CCDC192: variants seen among roughly 807,000 people sequenced by gnomAD.
The protein encoded by CCDC192 is coiled-coil domain containing 192.
intron 5 of CCDC192, among the ~76,000 whole-genome samples, chr5:127,818,327 T>C (rs1421745): frequency 0.02 from 3,076 of 152,294 alleles, 111 homozygotes; most frequent in African/African-American, 0.071. Flanking sequence ...CTTTGTCATC[T>C]AATGCAGAGG....
At chr5:127,781,492 G>T (rs1756216989) in intron 3 of CCDC192, among the ~76,000 whole-genome samples, 1 of 150,962 alleles carries the variant, frequency 6.6e-6, no homozygotes, top group Admixed American at 6.6e-5. Context: ...TTTTTGTGTT[G>T]TCTATGATTT....
At chr5:127,827,942 T>C (rs1360955689) in intron 5 of CCDC192, among the ~76,000 whole-genome samples, 1 of 152,190 alleles carries the variant, frequency 6.6e-6, no homozygotes, top group African/African-American at 2.4e-5. Context: ...GGCTCACTCT[T>C]GTTGCCCAGA....
chr5:127,769,901 A>T (rs955958274), intron 3 of CCDC192, among the ~76,000 whole-genome samples: 1 of 152,066 alleles, frequency 6.6e-6, no homozygotes, highest in Admixed American at 6.5e-5. Flanking sequence ...GTTACTGGAA[A>T]TTTTTTTCCA....
At chr5:127,814,484 G>C (rs10057750) in intron 5 of CCDC192, among the ~76,000 whole-genome samples, 66,032 of 151,946 alleles carry the variant, frequency 0.43, 15,836 homozygotes, top group African/African-American at 0.64. Flanking sequence ...GAGTTAAAGT[G>C]ATTGTTGTGG....
intron 2 of CCDC192, among the ~76,000 whole-genome samples, chr5:127,724,847 CA>C (rs71223028): frequency 1.1e-3 from 137 of 120,916 alleles, no homozygotes; most frequent in African/African-American, 2.9e-3. Context: ...GACTCCGTCT[CA>C]AAAAAAAAAA....
At chr5:127,733,632 G>C (rs1025099904) in intron 2 of CCDC192, among the ~76,000 whole-genome samples, 1 of 152,056 alleles carries the variant, frequency 6.6e-6, no homozygotes, top group Non-Finnish European at 1.5e-5. Flanking sequence ...ATCAACCTTG[G>C]AGGCTACACG....
intron 2 of CCDC192, among the ~76,000 whole-genome samples, chr5:127,743,142 G>A (rs182874191): frequency 9.2e-5 from 14 of 152,102 alleles, no homozygotes; most frequent in Admixed American, 4.6e-4. Flanking sequence ...TATTTACTCC[G>A]CTGGTTCATT....
chr5:127,853,832 C>A (rs562711418), intron 5 of CCDC192, among the ~76,000 whole-genome samples: 2 of 152,092 alleles, frequency 1.3e-5, no homozygotes, highest in East Asian at 3.9e-4. Context: ...AGTGAGAATT[C>A]TCCCTCTCAA....
intron 6 of CCDC192, among the ~76,000 whole-genome samples, chr5:127,880,645 A>C (rs189411765): frequency 1.3e-5 from 2 of 152,068 alleles, no homozygotes; most frequent in Admixed American, 6.5e-5. Context: ...TAAAAAAAAA[A>C]CAAAACATCT....
chr5:127,781,716 A>G (rs182928837), intron 3 of CCDC192, among the ~76,000 whole-genome samples: 23 of 151,788 alleles, frequency 1.5e-4, no homozygotes, highest in African/African-American at 5.3e-4. Context: ...GAATGCTTTT[A>G]TCAATTGTAG....
chr5:127,757,798 A>ACACACT (rs1491447075), intron 3 of CCDC192, among the ~76,000 whole-genome samples: 2 of 117,242 alleles, frequency 1.7e-5, no homozygotes, highest in African/African-American at 7.3e-5. Flanking sequence ...ACACACACAC[A>ACACACT]CTCTCTCTCT....
At chr5:127,891,628 A>G (rs772987386) in intron 6 of CCDC192, among the ~76,000 whole-genome samples, 6 of 152,120 alleles carry the variant, frequency 3.9e-5, no homozygotes, top group African/African-American at 9.7e-5. Context: ...GCTCATTACT[A>G]TCTGCATAGG....
At chr5:127,741,227 A>G (rs890762276) in intron 2 of CCDC192, among the ~76,000 whole-genome samples, 3 of 151,830 alleles carry the variant, frequency 2.0e-5, no homozygotes, top group Non-Finnish European at 2.9e-5. Context: ...CCACCTGCTA[A>G]TTATTTTTAT....
At chr5:127,715,309 A>G (rs1258217802) in intron 2 of CCDC192, among the ~76,000 whole-genome samples, 6 of 152,222 alleles carry the variant, frequency 3.9e-5, no homozygotes, top group Non-Finnish European at 5.9e-5. Flanking sequence ...AAGTTGGAAG[A>G]GATAGGAGAC....
At chr5:127,767,558 CT>C (rs1755299098) in intron 3 of CCDC192, among the ~76,000 whole-genome samples, 1 of 152,062 alleles carries the variant, frequency 6.6e-6, no homozygotes, top group East Asian at 1.9e-4. Context: ...TGACCTTTAC[CT>C]TTAATGATTG....
chr5:127,934,952 T>A (rs1754147684), intron 6 of CCDC192, among the ~76,000 whole-genome samples: 1 of 152,232 alleles, frequency 6.6e-6, no homozygotes, highest in East Asian at 1.9e-4. Flanking sequence ...TGACATTGTC[T>A]TTTAATCCAA....
intron 2 of CCDC192, among the ~76,000 whole-genome samples, chr5:127,749,749 CTT>C (rs1489485687): frequency 1.3e-5 from 2 of 152,020 alleles, no homozygotes; most frequent in Non-Finnish European, 2.9e-5. Context: ...GTCCTGGACT[CTT>C]TTTGGTTGGT....
At chr5:127,750,081 T>G (rs972241020) in intron 2 of CCDC192, among the ~76,000 whole-genome samples, 19 of 152,190 alleles carry the variant, frequency 1.2e-4, no homozygotes, top group Non-Finnish European at 2.1e-4. Context: ...GATTCATTAA[T>G]TTTTTGAAGA....
chr5:127,908,582 TA>T (rs1753262170), intron 6 of CCDC192, among the ~76,000 whole-genome samples: 1 of 152,230 alleles, frequency 6.6e-6, no homozygotes, highest in South Asian at 2.1e-4. Flanking sequence ...AAGAAAAACT[TA>T]AAACTGTTAT....
Sources: allele counts gnomAD v4.1 joint callset (sites outside exome capture counted in the v4.1 genomes callset), GRCh38; gene constraint gnomAD v4.1.1; transcripts MANE v1.5; gene names NCBI Gene and HGNC (gene_info 2026-07-23, HGNC 2026-07-21).